The following STAT4 variants were observed in gnomAD, a reference collection of about 807,000 sequenced individuals.
The protein encoded by STAT4 is signal transducer and activator of transcription 4.
In STAT4, 42 loss-of-function variants were observed where a neutral mutation model predicts 110.5. That is an observed-to-expected ratio of 0.38 (90% CI 0.30 to 0.49). STAT4 has a LOEUF of 0.49. STAT4 is among the 20% of genes least tolerant of loss of function. STAT4 has a pLI of 0.95. For synonymous variants in STAT4, 284 were observed against 302.2 expected (o/e 0.94, Z 0.63); for missense variants, 632 against 887.9 (o/e 0.71, Z 3.66).
Position 191,046,042 on chromosome 2 carries a change from G to A in STAT4, c.1252-4894C>T, listed in dbSNP as rs927149088. On this transcript the variant is annotated intron_variant, in intron 14 of 23. Transcript: ENST00000392320. This position sits in a 1 kb window ranked among gnomAD's most constrained non-coding sequence, Gnocchi z 4.6. ...CAATAGAAAATCTCACTGCCCACTA[G>A]GGAGGGGATGCTTACACTATGCAAA... Among the ~76,000 whole-genome samples the A allele has an allele frequency of 3.9e-5, 6 of 152,156 alleles. No individual in the cohort carries two copies. The highest frequency in any genetic ancestry group is 1.4e-4 in the African/African-American group (6 of 41,440).
At chr2:191,055,337 T>C (rs945303153) in intron 13 of STAT4, among the ~76,000 whole-genome samples, 9 of 150,060 alleles carry the variant, frequency 6.0e-5, no homozygotes, top group African/African-American at 2.2e-4. Flanking sequence ...TATCTGGGAC[T>C]ACAGGCGCCC....
chr2:191,047,816 C>T (rs1477024827), intron 14 of STAT4, among the ~76,000 whole-genome samples: 3 of 152,130 alleles, frequency 2.0e-5, no homozygotes, highest in African/African-American at 7.2e-5. Flanking sequence ...TGGGCGTGCG[C>T]CATTATGCCC....
Position 191,073,140 on chromosome 2 carries a change from C to G in STAT4, c.423G>C (p.Arg141Ser). The G allele has an allele frequency of 6.2e-7, 1 of 1,613,972 alleles. No individual in the cohort carries two copies. Among genetic ancestry groups the G allele is most frequent in the Non-Finnish European group, 8.5e-7 (1 of 1,179,938 alleles). Residue 141 changes from arginine to serine, a missense_variant, in exon 5 of 24, where the codon AGG becomes AGC. Arg to Ser is a moderately radical substitution (Grantham distance 110). Around this residue, in one of 4 missense-constraint regions of STAT4, gnomAD observed 488 missense variants for 632.8 expected, o/e 0.77. Transcript: ENST00000392320. ...TGGCAGCCACTTTGTGCTCCACATTCCTCTGTCTTTCTGAAACTGAAGAAC... is the reference window on the plus strand; with the variant it reads ...TGGCAGCCACTTTGTGCTCCACATTGCTCTGTCTTTCTGAAACTGAAGAAC... ...LQSSSVSERQ[R>S]NVEHKVAAIK...
intron 18 of STAT4, among the ~76,000 whole-genome samples, chr2:191,034,227 C>T (rs542990043): frequency 5.3e-5 from 8 of 152,174 alleles, no homozygotes; most frequent in African/African-American, 9.6e-5. Flanking sequence ...TTGAGACCAT[C>T]CTGACTAACA....
chr2:191,069,879 G>A, intron 5 of STAT4, 108 bp from the exon 6 acceptor site: 2 of 787,222 alleles, frequency 2.5e-6, no homozygotes, highest in East Asian at 2.6e-5. Context: ...ATCTCCAACA[G>A]CAACCAAAGA....
intron 3 of STAT4, among the ~76,000 whole-genome samples, chr2:191,089,458 G>A (rs898926745): frequency 1.3e-5 from 2 of 152,096 alleles, no homozygotes; most frequent in Non-Finnish European, 2.9e-5. Flanking sequence ...GTTGCTCGTG[G>A]GAGTGAAAAA....
chr2:191,052,413 A>C (rs1267450467), intron 14 of STAT4, among the ~76,000 whole-genome samples: 2 of 152,254 alleles, frequency 1.3e-5, no homozygotes, highest in African/African-American at 2.4e-5. Context: ...AAAAGGGAAG[A>C]AATAAAATCA....
chr2:191,151,585 A>G, upstream of STAT4: 3 of 985,548 alleles, frequency 3.0e-6, no homozygotes, highest in Non-Finnish European at 3.6e-6. The surrounding 1 kb of genome is among the most constrained non-coding windows in gnomAD (Gnocchi z 4.7). Flanking sequence ...CTCCTTGAGT[A>G]GCCTTGCCCC....
chr2:191,031,408 G>C lies in STAT4; in HGVS notation c.2111+42C>G. ...CTACCTTTAAATCTCCTATAGGAAA[G>C]CTTTTTATAAAAATATTTCACATGT... On this transcript the variant is annotated intron_variant, in intron 22 of 23. Transcript: ENST00000392320. The surrounding 1 kb of genome is among the most constrained non-coding windows in gnomAD (Gnocchi z 4.8). 6.3e-7 allele frequency: 1 copy of C among 1,586,408 alleles called. No homozygotes were observed. The highest frequency in any genetic ancestry group is 8.6e-7 in the Non-Finnish European group (1 of 1,161,368).
At chr2:191,119,153 T>G (rs1698651958) in intron 3 of STAT4, among the ~76,000 whole-genome samples, 1 of 152,298 alleles carries the variant, frequency 6.6e-6, no homozygotes, top group Middle Eastern at 3.4e-3. Flanking sequence ...ACAACAGGTA[T>G]GTGTACTTCA....
intron 3 of STAT4, among the ~76,000 whole-genome samples, chr2:191,111,316 C>A (rs116512751): frequency 0.04 from 6,037 of 152,166 alleles, 416 homozygotes; most frequent in African/African-American, 0.14. Context: ...ACACGCATAA[C>A]AAGTTTTAAA....
At chr2:191,078,961 T>C (rs1420288721) in intron 3 of STAT4, among the ~76,000 whole-genome samples, 1 of 152,108 alleles carries the variant, frequency 6.6e-6, no homozygotes, top group Non-Finnish European at 1.5e-5. Flanking sequence ...GAGTTTTCTT[T>C]CATTTTTTTC....
At chr2:191,111,979 G>T (rs909886263) in intron 3 of STAT4, among the ~76,000 whole-genome samples, 1 of 152,194 alleles carries the variant, frequency 6.6e-6, no homozygotes. Context: ...GGCAGGCAGA[G>T]CACGGAGAGG....
chr2:191,035,521 C>A lies in STAT4; in HGVS notation c.1570+643G>T, dbSNP rs567243655. On this transcript the variant is annotated intron_variant, in intron 17 of 23. Transcript: ENST00000392320. The surrounding 1 kb of genome is among the most constrained non-coding windows in gnomAD (Gnocchi z 4.7). Reference sequence around the variant, plus strand: ...TTTTTTTGGTGTTAAATATGTTAAACCCTGACTTGTCAAAATACAGATCTC... The same window carrying A: ...TTTTTTTGGTGTTAAATATGTTAAAACCTGACTTGTCAAAATACAGATCTC... Among the ~76,000 whole-genome samples, 8 of 152,118 alleles carry A rather than the reference C, an allele frequency of 5.3e-5. 1 individual carries two copies. The East Asian group carries it at 1.3e-3, about 26-fold the overall frequency.
intron 3 of STAT4, among the ~76,000 whole-genome samples, chr2:191,081,062 A>G (rs1035765598): frequency 2.0e-5 from 3 of 151,518 alleles, no homozygotes; most frequent in South Asian, 4.2e-4. Flanking sequence ...TCATTGTTCA[A>G]CTCCCACTTA....
At position 191,036,274 on chromosome 2, in the gene STAT4, G is replaced by A; in HGVS notation, c.1460C>T (p.Pro487Leu). Residue 487 changes from proline to leucine, a missense_variant, in exon 17 of 24, where the codon CCA becomes CTA. Physicochemically the swap from Pro to Leu is moderately conservative, Grantham distance 98. Coordinates refer to ENST00000392320, the MANE Select transcript of STAT4 (RefSeq NM_003151.4). ...CAGTAGTTGACTCAATGTGGCAGGT[G>A]GAGGATTATTAAAGAAAACCAAGTT... is the stretch of plus-strand genomic sequence containing the variant. ...SQNLVFFNNP[P>L]PATLSQLLEV... 1.2e-6 allele frequency: 2 copies of A among 1,614,086 alleles called. No homozygotes were observed. The highest frequency in any genetic ancestry group is 8.5e-7 in the Non-Finnish European group (1 of 1,180,016).
At chr2:191,080,486 T>C (rs1419498107) in intron 3 of STAT4, among the ~76,000 whole-genome samples, 1 of 152,154 alleles carries the variant, frequency 6.6e-6, no homozygotes, top group African/African-American at 2.4e-5. Context: ...TGCACAATTA[T>C]TGTCTTCATT....
At chr2:191,095,990 C>T (rs1260394607) in intron 3 of STAT4, among the ~76,000 whole-genome samples, 1 of 152,136 alleles carries the variant, frequency 6.6e-6, no homozygotes, top group Non-Finnish European at 1.5e-5. Context: ...ACTATAAACA[C>T]CTCTACACAA....
At chr2:191,130,486 T>G (rs1260496412) in intron 3 of STAT4, among the ~76,000 whole-genome samples, 1 of 151,706 alleles carries the variant, frequency 6.6e-6, no homozygotes, top group East Asian at 1.9e-4. Flanking sequence ...CCTCCCAAAG[T>G]GCTGGGATTA....
Sources: allele counts gnomAD v4.1 joint callset (sites outside exome capture counted in the v4.1 genomes callset), GRCh38; gene constraint gnomAD v4.1.1; regional missense constraint gnomAD v4.1.1; non-coding constraint Gnocchi (gnomAD v3.1); transcripts MANE v1.5; gene names NCBI Gene and HGNC (gene_info 2026-07-23, HGNC 2026-07-21).